Variants in GATA3 observed in about 807,000 individuals in gnomAD.
GATA3 encodes GATA binding protein 3.
A neutral mutation model predicts 36.0 loss-of-function variants in GATA3; 6 were observed. That is an observed-to-expected ratio of 0.17 (90% CI 0.09 to 0.33). The LOEUF (loss-of-function observed/expected upper bound fraction) is 0.33. Ranked by LOEUF, GATA3 falls within the 10% of genes least tolerant of loss-of-function variation. The pLI, the probability that GATA3 is intolerant of heterozygous loss-of-function variation, is 1.00. For synonymous variants in GATA3, 326 were observed against 273.0 expected (o/e 1.19, Z -1.92); for missense variants, 514 against 610.1 (o/e 0.84, Z 1.66).
At chr10:8,061,752 C>G (rs2131496596) in intron 3 of GATA3, among the ~76,000 whole-genome samples, 1 of 152,324 alleles carries the variant, frequency 6.6e-6, no homozygotes. Context: ...AAGCTATCAC[C>G]CTCCCCACCA....
intron 4 of GATA3, 31 bp downstream of exon 4, chr10:8,064,169 C>G (rs1168238324): frequency 1.9e-6 from 3 of 1,613,728 alleles, no homozygotes; most frequent in Non-Finnish European, 2.5e-6. Context: ...GGATTCCATG[C>G]TGACCATTCT....
In GATA3 at chr10:8,069,520, C is replaced by A. The variant is rs2131511863; in HGVS notation, c.972C>A (p.Thr324=). ...CGTCCTGTGCGAACTGTCAGACCAC[C>A]ACAACCACACTCTGGAGGAGGAATG... The part of the protein sequence containing the change: ...AGTSCANCQT[T]TTTLWRRNAN... The change falls in exon 5 of 6, where the codon ACC becomes ACA. Residue 324 remains threonine (T), a synonymous_variant. Transcript: ENST00000379328. The A allele has an allele frequency of 6.2e-7, 1 of 1,613,988 alleles. No individual in the cohort carries two copies. The highest frequency in any genetic ancestry group is 1.1e-5 in the South Asian group (1 of 91,078).
At chr10:8,054,229 C>A (rs1003311322), upstream of GATA3, among the ~76,000 whole-genome samples, 1 of 152,232 alleles carries the variant, frequency 6.6e-6, no homozygotes, top group Non-Finnish European at 1.5e-5. The surrounding 1 kb of genome is among the most constrained non-coding windows in gnomAD (Gnocchi z 4.2). Flanking sequence ...CCCAAACACC[C>A]TGCATTAGAT....
Position 8,058,187 on chromosome 10 carries a change from G to A in GATA3, c.242-118G>A, listed in dbSNP as rs550677240. On this transcript the variant is annotated intron_variant, in intron 2 of 5. Transcript: ENST00000379328. ...AGGATGAGAGAGTGGGCCTGAGCCC[G>A]GGCTTTTGCTGAAAAGGAGGCCGAT... The A allele has an allele frequency of 7.0e-6, 8 of 1,141,554 alleles. No homozygotes were observed. The East Asian group carries it at 9.7e-5, about 14-fold the overall frequency. The allele number at this position is 1,141,554 out of a possible 1,614,324, so 70.7% of individuals were successfully genotyped here.
chr10:8,051,326 A>G (rs1651358757), upstream of GATA3: 1 of 266,080 alleles, frequency 3.8e-6, no homozygotes, highest in Admixed American at 5.2e-5. Flanking sequence ...GGTTTCGGAT[A>G]GGCCAAGCCG....
chr10:8,057,907 G>C (rs1280948236), intron 2 of GATA3, among the ~76,000 whole-genome samples: 1 of 152,182 alleles, frequency 6.6e-6, no homozygotes, highest in Non-Finnish European at 1.5e-5. Context: ...AGGGAACTCA[G>C]GGCCATTGAA....
upstream of GATA3, chr10:8,053,048 C>G (rs1354676410): frequency 6.6e-6 from 1 of 152,222 alleles, no homozygotes; most frequent in East Asian, 1.9e-4. The surrounding 1 kb of genome is among the most constrained non-coding windows in gnomAD (Gnocchi z 5.1). Flanking sequence ...ATTCACGTTT[C>G]CACTACTTCT....
At position 8,055,532 on chromosome 10, in the gene GATA3, G is replaced by A. The variant is rs2131481556; in HGVS notation, c.-124G>A. 9.0e-7 allele frequency: 1 copy of A among 1,114,516 alleles called. No homozygotes were observed. The highest frequency in any genetic ancestry group is 1.6e-5 in the African/African-American group (1 of 63,948). The allele number at this position is 1,114,516 out of a possible 1,614,324, so 69.0% of individuals were successfully genotyped here. ...CAGCCTTCCCATCCCCCCACCGAAA[G>A]CAAATCATTCAACGACCCCCGACCC... On this transcript the variant is annotated 5_prime_UTR_variant, in exon 2 of 6. Coordinates refer to ENST00000379328, the MANE Select transcript of GATA3 (RefSeq NM_001002295.2). The surrounding 1 kb of genome is among the most constrained non-coding windows in gnomAD (Gnocchi z 5.4).
At chr10:8,046,105 C>G (rs1832383474) in intron 1 of GATA3, among the ~76,000 whole-genome samples, 1 of 152,080 alleles carries the variant, frequency 6.6e-6, no homozygotes, top group Non-Finnish European at 1.5e-5. Context: ...GTGAGAAAAC[C>G]GCAGCCTCCC....
intron 3 of GATA3, among the ~76,000 whole-genome samples, chr10:8,060,154 T>C (rs905315991): frequency 6.6e-6 from 1 of 152,222 alleles, no homozygotes; most frequent in Non-Finnish European, 1.5e-5. Context: ...CTGTCTCTAT[T>C]TAGTTGATAT....
upstream of GATA3, chr10:8,050,934 G>A (rs755459258): frequency 4.3e-6 from 2 of 469,076 alleles, no homozygotes; most frequent in South Asian, 1.5e-5. Context: ...GCCCGGGGCC[G>A]CTTCTCCCGG....
intron 4 of GATA3, among the ~76,000 whole-genome samples, chr10:8,069,220 C>T (rs1832892000): frequency 6.6e-6 from 1 of 152,128 alleles, no homozygotes; most frequent in Non-Finnish European, 1.5e-5. Context: ...GCTTCCTGCT[C>T]CTACCGGGGA....
chr10:8,073,014 A>G (rs941785145), intron 5 of GATA3, among the ~76,000 whole-genome samples: 13 of 152,070 alleles, frequency 8.5e-5, no homozygotes, highest in Middle Eastern at 3.4e-3. Context: ...GTGTGGTGGC[A>G]GGCGCCTCTA....
intron 4 of GATA3, among the ~76,000 whole-genome samples, chr10:8,065,907 G>A (rs1588385720): frequency 1.0e-5 from 1 of 96,474 alleles, no homozygotes; most frequent in Admixed American, 1.3e-4. Flanking sequence ...AGTGCAGAAT[G>A]AATATGATCA....
rs373580523 is a variant in GATA3 at position 8,074,249 on chromosome 10, C to A, written c.*226C>A. 5.4e-5 allele frequency: 31 copies of A among 577,432 alleles called. No individual in the cohort carries two copies. Among genetic ancestry groups the A allele is most frequent in the Middle Eastern group, 4.5e-4 (1 of 2,208 alleles). 35.8% of individuals were successfully genotyped at this position (577,432 alleles called of 1,614,324 possible). ...GTGAATAAGCCATTCTGACTCATAT[C>A]CCCTATTTAACAGGGTCTCTAGTGC... On this transcript the variant is annotated 3_prime_UTR_variant, in exon 6 of 6. Coordinates refer to ENST00000379328, the MANE Select transcript of GATA3 (RefSeq NM_001002295.2).
chr10:8,058,561 G>A lies in GATA3; in HGVS notation c.498G>A (p.Ser166=), dbSNP rs751408695. ...TPPKDVSPDP[S]LSTPGSAGSA... is the part of the protein sequence containing the mutation. Reference sequence around the variant, plus strand: ...CGAAGGACGTCTCCCCGGACCCATCGCTGTCCACCCCAGGCTCGGCCGGCT... The same window carrying A: ...CGAAGGACGTCTCCCCGGACCCATCACTGTCCACCCCAGGCTCGGCCGGCT... The change falls in exon 3 of 6, where the codon TCG becomes TCA. Residue 166 remains serine (S), a synonymous_variant. Coordinates refer to ENST00000379328, the MANE Select transcript of GATA3 (RefSeq NM_001002295.2). The A allele has an allele frequency of 1.9e-6, 3 of 1,611,994 alleles. No individual in the cohort carries two copies. The highest frequency in any genetic ancestry group is 4.5e-5 in the East Asian group (2 of 44,820).
intron 1 of GATA3, among the ~76,000 whole-genome samples, chr10:8,047,518 TG>T (rs767941695): frequency 6.6e-6 from 1 of 152,224 alleles, no homozygotes; most frequent in Non-Finnish European, 1.5e-5. Context: ...ACTTAACGGT[TG>T]GAATAACCAG....
upstream of GATA3, among the ~76,000 whole-genome samples, chr10:8,049,236 G>A (rs1382044556): frequency 1.3e-5 from 2 of 152,184 alleles, no homozygotes; most frequent in African/African-American, 4.8e-5. Context: ...GCGTGGGCGT[G>A]GGAGCCGCGA....
intron 3 of GATA3, among the ~76,000 whole-genome samples, chr10:8,059,485 C>A (rs767351966): frequency 6.6e-6 from 1 of 152,204 alleles, no homozygotes; most frequent in Non-Finnish European, 1.5e-5. Flanking sequence ...AATCAAATGT[C>A]GCCTGGCCCA....
Sources: allele counts gnomAD v4.1 joint callset (sites outside exome capture counted in the v4.1 genomes callset), GRCh38; gene constraint gnomAD v4.1.1; non-coding constraint Gnocchi (gnomAD v3.1); transcripts MANE v1.5; gene names NCBI Gene and HGNC (gene_info 2026-07-23, HGNC 2026-07-21).